KCNU1: variants seen among roughly 807,000 people sequenced by gnomAD.
The protein encoded by KCNU1 is potassium calcium-activated channel subfamily U member 1.
In KCNU1, 93 loss-of-function variants were observed where a neutral mutation model predicts 126.8. The ratio of observed to expected loss-of-function variants is 0.73; its 90% CI spans 0.62 to 0.87. The LOEUF (loss-of-function observed/expected upper bound fraction) is 0.87, where lower values mean the gene tolerates loss of function less well. Among genes scored for constraint, KCNU1 ranks in the 40% least tolerant of loss-of-function variants. The probability of loss-of-function intolerance (pLI) is 0.00; values close to 1 mark genes in which losing one functional copy is unlikely to be tolerated. For missense variants in KCNU1, 1,330 were observed against 1,367.1 expected, an observed-to-expected ratio of 0.97 and a Z score of 0.43; for synonymous variants, 523 against 494.2, an observed-to-expected ratio of 1.06 and a Z score of -0.77.
chr8:36,807,065 C>G (rs889154525), intron 5 of KCNU1, among the ~76,000 whole-genome samples: 8 of 152,144 alleles, frequency 5.3e-5, no homozygotes, highest in African/African-American at 1.9e-4. Flanking sequence ...GTGAGGCATG[C>G]TTCTACATGC....
At chr8:36,802,969 T>C (rs1469714928) in intron 2 of KCNU1, among the ~76,000 whole-genome samples, 1 of 152,148 alleles carries the variant, frequency 6.6e-6, no homozygotes, top group Non-Finnish European at 1.5e-5. Flanking sequence ...CAAAGAACAA[T>C]GGGACCACCC....
In KCNU1 at chr8:36,798,089, C is replaced by G. The variant is rs74825217; in HGVS notation, c.316-5938C>G. 4.3e-3 allele frequency among the ~76,000 whole-genome samples: 649 copies of G among 152,298 alleles called. 8 individuals carry two copies. The highest frequency in any genetic ancestry group is 0.015 in the African/African-American group (616 of 41,570). The stretch of plus-strand genomic sequence containing the variant: ...ACAGATTTTTAGTCCAGTTGTTGTA[C>G]TTGGTTCTTGTTTCCATTTTTTTTT... On this transcript the variant is annotated intron_variant, in intron 2 of 26. Transcript: ENST00000399881.
intron 10 of KCNU1, among the ~76,000 whole-genome samples, chr8:36,820,484 C>T (rs75006238): frequency 0.025 from 3,834 of 151,912 alleles, 163 homozygotes; most frequent in African/African-American, 0.088. Flanking sequence ...ATTTTAGTAA[C>T]ACTGTCACCA....
chr8:36,912,371 T>C (rs59595914), intron 22 of KCNU1, among the ~76,000 whole-genome samples: 32,555 of 152,096 alleles, frequency 0.21, 3,983 homozygotes, highest in Middle Eastern at 0.33. Context: ...TAGACAGACC[T>C]TCACTAAGCA....
rs777285806 is a variant in KCNU1 at position 36,911,132 on chromosome 8, C to G, written c.2521+13C>G. ...CCCTCAGTGTCAGGTGAGAACAGCA[C>G]CCCTGAAAAGAAGAAACTAGGACGT... On this transcript the variant is annotated intron_variant, in intron 22 of 26. Transcript: ENST00000399881. 1.9e-6 allele frequency: 3 copies of G among 1,580,430 alleles called. No homozygotes were observed. In the South Asian group the frequency reaches 3.4e-5, roughly 18 times the overall value.
At position 36,933,023 on chromosome 8, in the gene KCNU1, A is replaced by G. The variant is rs1808749240; in HGVS notation, c.3035A>G (p.Glu1012Gly). 1 of 1,546,854 alleles carries G rather than the reference A, an allele frequency of 6.5e-7. No individual in the cohort carries two copies. The highest frequency in any genetic ancestry group is 1.9e-5 in the Admixed American group (1 of 51,612). The change falls in exon 26 of 27, where the codon GAA becomes GGA. Residue 1012 changes from glutamate (E) to glycine (G), a missense_variant. By Grantham distance (98) the Glu-to-Gly change is moderately conservative (BLOSUM62 -2). This residue lies in a region of KCNU1 where 1,054 missense variants were observed against 1,053.9 expected (regional missense o/e 1.00). Transcript: ENST00000399881. ...RIIDEEELNP[E>G]NKRFVITRPA... Reference sequence around the variant, plus strand: ...ATTGATGAAGAGGAGCTCAACCCAGAAAACAAAAGGGGAGTGTGCTAGATT... The same window carrying G: ...ATTGATGAAGAGGAGCTCAACCCAGGAAACAAAAGGGGAGTGTGCTAGATT...
At chr8:36,870,395 C>G (rs553165918) in intron 19 of KCNU1, among the ~76,000 whole-genome samples, 12 of 152,248 alleles carry the variant, frequency 7.9e-5, no homozygotes, top group Non-Finnish European at 1.6e-4. Context: ...CCATACATAC[C>G]CTGTTGTCTC....
At chr8:36,914,585 T>C (rs1351322853) in intron 22 of KCNU1, among the ~76,000 whole-genome samples, 1 of 152,006 alleles carries the variant, frequency 6.6e-6, no homozygotes, top group Non-Finnish European at 1.5e-5. Context: ...CCAACGGAAA[T>C]TGGATGAGGC....
At chr8:36,800,706 C>T (rs1803271698) in intron 2 of KCNU1, among the ~76,000 whole-genome samples, 1 of 152,210 alleles carries the variant, frequency 6.6e-6, no homozygotes, top group South Asian at 2.1e-4. Context: ...CAGCTCTTCT[C>T]AGAATTATCT....
chr8:36,838,949 T>G (rs1163301713), intron 14 of KCNU1, among the ~76,000 whole-genome samples: 1 of 152,120 alleles, frequency 6.6e-6, no homozygotes, highest in Non-Finnish European at 1.5e-5. Flanking sequence ...ACTATCGACT[T>G]TGGTTTAGTG....
At chr8:36,863,338 C>T (rs963085680) in intron 18 of KCNU1, among the ~76,000 whole-genome samples, 1 of 152,120 alleles carries the variant, frequency 6.6e-6, no homozygotes, top group African/African-American at 2.4e-5. Context: ...AGAAATAATG[C>T]TTATGTTGAG....
chr8:36,796,144 A>G (rs559357925), intron 2 of KCNU1, among the ~76,000 whole-genome samples: 2 of 152,270 alleles, frequency 1.3e-5, no homozygotes, highest in South Asian at 2.1e-4. Context: ...TGTTTGATAC[A>G]TTATCTATTT....
chr8:36,836,811 C>T lies in KCNU1; in HGVS notation c.1384C>T (p.Pro462Ser). ...SHNKVYLPKIPSWNWDTGDNI... is the reference protein window; with the variant it reads ...SHNKVYLPKISSWNWDTGDNI... ...GGAACAGGTTTATCTGCCAAAGATT[C>T]CCAGCTGGAACTGGGACACCGGAGA... The change falls in exon 14 of 27, where the codon CCC becomes TCC. Residue 462 changes from proline (P) to serine (S), a missense_variant. Pro to Ser is a moderately conservative substitution (Grantham distance 74). Coordinates refer to ENST00000399881, the MANE Select transcript of KCNU1 (RefSeq NM_001031836.3). 6.2e-7 allele frequency: 1 copy of T among 1,613,714 alleles called. No individual in the cohort carries two copies. Among genetic ancestry groups the T allele is most frequent in the Non-Finnish European group, 8.5e-7 (1 of 1,179,760 alleles).
Position 36,905,716 on chromosome 8 carries a change from A to C in KCNU1, c.2018A>C (p.Gln673Pro), listed in dbSNP as rs764097425. The C allele has an allele frequency of 6.3e-7, 1 of 1,582,942 alleles. No homozygotes were observed. The highest frequency in any genetic ancestry group is 8.7e-7 in the Non-Finnish European group (1 of 1,151,904). ...CCATTCTTCCTATTTAGGACTCTTCAACATGATGTAGAACAAGATTCTGAC... is the reference window on the plus strand; with the variant it reads ...CCATTCTTCCTATTTAGGACTCTTCCACATGATGTAGAACAAGATTCTGAC... Reference protein sequence around the residue: ...SISNFTTRTLQHDVEQDSDQL... With the variant: ...SISNFTTRTLPHDVEQDSDQL... Residue 673 changes from glutamine to proline, a missense_variant, in exon 20 of 27, where the codon CAA becomes CCA. By Grantham distance (76) the Gln-to-Pro change is moderately conservative. Transcript: ENST00000399881.
At chr8:36,873,251 T>C (rs1301323873) in intron 19 of KCNU1, among the ~76,000 whole-genome samples, 1 of 152,090 alleles carries the variant, frequency 6.6e-6, no homozygotes, top group African/African-American at 2.4e-5. Flanking sequence ...CTTTCTTTCT[T>C]TCCTTCCCCT....
chr8:36,802,758 T>C (rs1585390714), intron 2 of KCNU1, among the ~76,000 whole-genome samples: 1 of 152,340 alleles, frequency 6.6e-6, no homozygotes, highest in East Asian at 1.9e-4. Context: ...TTTGCTTTGT[T>C]TTATTTTCAA....
intron 20 of KCNU1, among the ~76,000 whole-genome samples, chr8:36,906,943 A>C (rs1170875493): frequency 6.6e-6 from 1 of 152,182 alleles, no homozygotes; most frequent in African/African-American, 2.4e-5. Context: ...AAAGGTCAGG[A>C]AGTTGGTTGC....
chr8:36,935,814 T>G lies in KCNU1; in HGVS notation c.3344T>G (p.Ile1115Ser). 1 of 1,613,050 alleles carries G rather than the reference T, an allele frequency of 6.2e-7. No homozygotes were observed. Residue 1115 changes from isoleucine (I) to serine (S), a missense_variant, in exon 27 of 27, where the codon ATT becomes AGT. Around this residue, in one of 3 missense-constraint regions of KCNU1, gnomAD observed 1,054 missense variants for 1,053.9 expected, o/e 1.00. Transcript: ENST00000399881. ...IAWNQSRTNSIISSQIPLGDN... is the reference protein window; with the variant it reads ...IAWNQSRTNSSISSQIPLGDN... The stretch of plus-strand genomic sequence containing the variant: ...TGGAATCAGAGTAGAACAAACAGTA[T>G]TATATCATCTCAGATACCTTTAGGT...
At position 36,911,070 on chromosome 8, in the gene KCNU1, C is replaced by A. The variant is rs368687816; in HGVS notation, c.2472C>A (p.Ile824=). The A allele has an allele frequency of 6.2e-7, 1 of 1,613,754 alleles. No homozygotes were observed. The highest frequency in any genetic ancestry group is 8.5e-7 in the Non-Finnish European group (1 of 1,179,768). ...DTEAIMATLT[I]GSLQIDSSSD... The stretch of plus-strand genomic sequence containing the variant: ...AAGCCATCATGGCAACCCTCACCAT[C>A]GGATCCTTGCAAATTGACTCCTCCT... Residue 824 remains isoleucine (I), a synonymous_variant, in exon 22 of 27, where the codon ATC becomes ATA. Transcript: ENST00000399881.
Sources: gnomAD v4.1 joint callset for allele counts (sites outside exome capture counted in the v4.1 genomes callset) on GRCh38, gnomAD v4.1.1 for gene constraint, gnomAD v4.1.1 regional missense constraint, MANE v1.5 for transcripts, NCBI Gene and HGNC (gene_info 2026-07-23, HGNC 2026-07-21) for gene names.